SCHIP1: variants seen among roughly 807,000 people sequenced by gnomAD.
SCHIP1 encodes the protein schwannomin interacting protein 1.
In SCHIP1, 8 loss-of-function variants were observed where a neutral mutation model predicts 29.7. The observed-to-expected ratio is 0.27, with a 90% CI of 0.16 to 0.49. The LOEUF (loss-of-function observed/expected upper bound fraction) is 0.49, where lower values mean the gene tolerates loss of function less well. Ranked by LOEUF, SCHIP1 falls within the 20% of genes least tolerant of loss-of-function variation. The pLI is 0.99. For synonymous variants in SCHIP1, 76 were observed against 94.9 expected (o/e 0.80, Z 1.16); for missense variants, 193 against 294.6 (o/e 0.66, Z 2.52).
chr3:159,609,952 G>A, the SCHIP1 span, among the ~76,000 whole-genome samples: 3 of 152,270 alleles, frequency 2.0e-5, no homozygotes, highest in Non-Finnish European at 4.4e-5. Flanking sequence ...TGGAAAGACA[G>A]GAGTGGAAGG....
chr3:159,876,924 T>G (rs1715885121), intron 2 of SCHIP1, among the ~76,000 whole-genome samples: 1 of 152,194 alleles, frequency 6.6e-6, no homozygotes, highest in Non-Finnish European at 1.5e-5. Flanking sequence ...GCTTTGTTGT[T>G]CTTGTCAGAA....
At chr3:159,308,413 C>T in the SCHIP1 span, among the ~76,000 whole-genome samples, 4 of 152,074 alleles carry the variant, frequency 2.6e-5, no homozygotes, top group African/African-American at 9.7e-5. Context: ...GTGGCTAACA[C>T]ACATACGGAA....
the SCHIP1 span, among the ~76,000 whole-genome samples, chr3:159,726,702 T>C: frequency 1.3e-5 from 2 of 152,182 alleles, no homozygotes; most frequent in East Asian, 1.9e-4. Flanking sequence ...AACCTTACTG[T>C]ACTATAAAAT....
chr3:159,579,513 C>A, the SCHIP1 span, among the ~76,000 whole-genome samples: 1 of 152,168 alleles, frequency 6.6e-6, no homozygotes, highest in Middle Eastern at 3.2e-3. Flanking sequence ...TGGACTCTAG[C>A]TGCTCACAAC....
chr3:159,887,793 A>G, exon 4 of SCHIP1: 1 of 1,614,082 alleles, frequency 6.2e-7, no homozygotes, highest in Non-Finnish European at 8.5e-7. Flanking sequence ...CTTACAAGGC[A>G]AAAGAAATTG....
At chr3:159,366,046 T>TGGCTTTACA in the SCHIP1 span, among the ~76,000 whole-genome samples, 14 of 152,298 alleles carry the variant, frequency 9.2e-5, no homozygotes, top group East Asian at 2.7e-3. Context: ...AATTGGCTCA[T>TGGCTTTACA]GGCTTTACAG....
the SCHIP1 span, among the ~76,000 whole-genome samples, chr3:159,642,185 C>G: frequency 8.6e-5 from 13 of 151,848 alleles, no homozygotes; most frequent in South Asian, 8.3e-4. Context: ...TATAAATAGC[C>G]CTCAATATAC....
the SCHIP1 span, among the ~76,000 whole-genome samples, chr3:159,368,991 A>G: frequency 6.6e-6 from 1 of 152,202 alleles, no homozygotes; most frequent in Admixed American, 6.5e-5. Flanking sequence ...CTGACGTTAC[A>G]CTTGGGTACC....
At chr3:159,358,957 C>G in the SCHIP1 span, among the ~76,000 whole-genome samples, 1 of 106,546 alleles carries the variant, frequency 9.4e-6, no homozygotes, top group Non-Finnish European at 1.7e-5. Flanking sequence ...GAGACAGAGT[C>G]TTGCTCTGTT....
At chr3:159,481,935 T>G in the SCHIP1 span, among the ~76,000 whole-genome samples, 2 of 152,104 alleles carry the variant, frequency 1.3e-5, no homozygotes, top group African/African-American at 4.8e-5. Flanking sequence ...GTGGGGTGAT[T>G]AGAAAAATAA....
At chr3:159,886,491 TG>T (rs1345310668) in intron 3 of SCHIP1, 167 bp downstream of exon 4, 1 of 590,622 alleles carries the variant, frequency 1.7e-6, no homozygotes, top group East Asian at 2.9e-5. Flanking sequence ...AAGTCAAAGT[TG>T]TAATAAAATA....
chr3:159,549,849 T>C, the SCHIP1 span, among the ~76,000 whole-genome samples: 1 of 152,146 alleles, frequency 6.6e-6, no homozygotes, highest in Non-Finnish European at 1.5e-5. Flanking sequence ...CTTGTTTTTG[T>C]TCACTCTCCA....
At chr3:159,435,780 G>A in the SCHIP1 span, among the ~76,000 whole-genome samples, 1 of 152,132 alleles carries the variant, frequency 6.6e-6, no homozygotes, top group Non-Finnish European at 1.5e-5. Flanking sequence ...TAGGCCAAGT[G>A]TGTGATGCTC....
the SCHIP1 span, among the ~76,000 whole-genome samples, chr3:159,424,835 C>A: frequency 6.6e-6 from 1 of 152,122 alleles, no homozygotes; most frequent in Non-Finnish European, 1.5e-5. Context: ...AGACTAACAG[C>A]GGATCTCTCG....
the SCHIP1 span, among the ~76,000 whole-genome samples, chr3:159,353,399 T>C: frequency 1.3e-5 from 2 of 152,172 alleles, no homozygotes; most frequent in African/African-American, 4.8e-5. Flanking sequence ...AGGCAGAGTC[T>C]AAACCCTGAA....
the SCHIP1 span, among the ~76,000 whole-genome samples, chr3:159,315,856 T>G: frequency 6.7e-6 from 1 of 148,956 alleles, no homozygotes; most frequent in Non-Finnish European, 1.5e-5. Flanking sequence ...AACATACTCA[T>G]CAGTAGGAGA....
the SCHIP1 span, among the ~76,000 whole-genome samples, chr3:159,740,861 C>A: frequency 1.3e-5 from 2 of 150,570 alleles, no homozygotes; most frequent in Middle Eastern, 7.1e-3. Context: ...AACTAGGTCA[C>A]CTTCCTGGGC....
the SCHIP1 span, among the ~76,000 whole-genome samples, chr3:159,590,900 AG>A: frequency 2.0e-5 from 3 of 152,122 alleles, no homozygotes; most frequent in Non-Finnish European, 4.4e-5. Flanking sequence ...AAGTTTGTCC[AG>A]GACTTGATTT....
Position 159,888,686 on chromosome 3 carries a change from C to T in SCHIP1, c.466-134C>T, listed in dbSNP as rs538039236. ...GTAGGGCCCCACATTGGGAAAGACA[C>T]AGACTGGGAAAGCTTTTAATCACTG... On this transcript the variant is annotated intron_variant, in intron 4 of 6. Transcript: ENST00000445224. The T allele has an allele frequency of 4.4e-6, 6 of 1,356,496 alleles. No homozygotes were observed. The African/African-American group carries it at 7.3e-5, about 17-fold the overall frequency. The allele number at this position is 1,356,496 out of a possible 1,614,324, so 84.0% of individuals were successfully genotyped here.
Sources: gnomAD v4.1 joint callset for allele counts (sites outside exome capture counted in the v4.1 genomes callset) on GRCh38, gnomAD v4.1.1 for gene constraint, MANE v1.5 for transcripts, NCBI Gene and HGNC (gene_info 2026-07-23, HGNC 2026-07-21) for gene names.